PCDH15: variants seen among roughly 807,000 people sequenced by gnomAD.
PCDH15 encodes protocadherin related 15, also known as protocadherin-15.
A neutral mutation model predicts 178.5 loss-of-function variants in PCDH15; 129 were observed. The observed-to-expected ratio is 0.72, with a 90% CI of 0.63 to 0.84. The LOEUF (loss-of-function observed/expected upper bound fraction) is 0.84, where lower values mean the gene tolerates loss of function less well. Ranked by LOEUF, PCDH15 falls within the 40% of genes least tolerant of loss-of-function variation. The probability of loss-of-function intolerance (pLI) is 0.00; values close to 1 mark genes in which losing one functional copy is unlikely to be tolerated. For synonymous variants in PCDH15, 800 were observed against 732.0 expected, an observed-to-expected ratio of 1.09 and a Z score of -1.50; for missense variants, 2,230 against 2,099.9, an observed-to-expected ratio of 1.06 and a Z score of -1.21.
At chr10:54,200,170 G>T (rs917403267) in intron 10 of PCDH15, among the ~76,000 whole-genome samples, 6 of 150,804 alleles carry the variant, frequency 4.0e-5, no homozygotes, top group African/African-American at 1.5e-4. Context: ...AAAGACAATG[G>T]TAAAGCTTAT....
chr10:54,957,277 A>G (rs773925876), intron 2 of PCDH15, among the ~76,000 whole-genome samples: 6 of 151,626 alleles, frequency 4.0e-5, no homozygotes, highest in Non-Finnish European at 7.4e-5. Flanking sequence ...TCAGTAGTAA[A>G]GAAAGGAGGT....
At position 55,193,963 on chromosome 10, in the gene PCDH15, C is replaced by T. The variant is rs150151547; in HGVS notation, c.-155-27312G>A. On this transcript the variant is annotated intron_variant, in intron 1 of 5. Transcript: ENST00000458638. Reference sequence around the variant, plus strand: ...CTAAAACATAATTTACTGAATAATACTAATATTAGCTTATATTTGCTGCAT... The same window carrying T: ...CTAAAACATAATTTACTGAATAATATTAATATTAGCTTATATTTGCTGCAT... 6.4e-3 allele frequency among the ~76,000 whole-genome samples: 969 copies of T among 152,010 alleles called. 18 individuals are homozygous for T. Among genetic ancestry groups the T allele is most frequent in the African/African-American group, 0.022 (932 of 41,456 alleles).
intron 2 of PCDH15, chr10:54,575,367 T>C (rs993070865): frequency 1.3e-5 from 2 of 153,338 alleles, no homozygotes; most frequent in African/African-American, 4.8e-5. Flanking sequence ...ATAAACCAGA[T>C]AAAATCTCAT....
At chr10:55,521,078 C>A (rs1249615236) in intron 2 of PCDH15, among the ~76,000 whole-genome samples, 2 of 151,858 alleles carry the variant, frequency 1.3e-5, no homozygotes, top group African/African-American at 2.4e-5. Context: ...AAGTTTGGAA[C>A]CTCTGACTAA....
At position 55,325,517 on chromosome 10, in the gene PCDH15, C is replaced by T. The variant is rs141858336; in HGVS notation, c.-155-158866G>A. On this transcript the variant is annotated intron_variant, in intron 2 of 5. Coordinates refer to the PCDH15 transcript ENST00000613346. Reference sequence around the variant, plus strand: ...GCGCTAGGATAACTGGCTAACTATACGCAGAAGATCAAAACTGGACCCCTT... The same window carrying T: ...GCGCTAGGATAACTGGCTAACTATATGCAGAAGATCAAAACTGGACCCCTT... Among the ~76,000 whole-genome samples the T allele has an allele frequency of 5.9e-4, 89 of 152,106 alleles. 1 individual carries two copies. In the East Asian group the frequency reaches 0.012, roughly 21 times the overall value.
At chr10:54,824,440 T>C (rs1564541643) in intron 3 of PCDH15, among the ~76,000 whole-genome samples, 1 of 152,126 alleles carries the variant, frequency 6.6e-6, no homozygotes, top group Non-Finnish European at 1.5e-5. Context: ...CTTTTTCCCA[T>C]ATGCTACCTT....
chr10:55,370,761 C>A (rs1460235660), intron 2 of PCDH15, among the ~76,000 whole-genome samples: 1 of 152,096 alleles, frequency 6.6e-6, no homozygotes, highest in Non-Finnish European at 1.5e-5. Flanking sequence ...CTCTTTCTTC[C>A]GATTATCTTC....
chr10:55,159,375 A>C (rs866872274), intron 2 of PCDH15, among the ~76,000 whole-genome samples: 185 of 6,152 alleles, frequency 0.03, 1 homozygote, highest in Middle Eastern at 0.2. Flanking sequence ...CTATCTATAT[A>C]TATATATATA....
intron 1 of PCDH15, among the ~76,000 whole-genome samples, chr10:54,771,169 C>G (rs1169799432): frequency 1.3e-5 from 2 of 151,958 alleles, no homozygotes; most frequent in Non-Finnish European, 2.9e-5. Flanking sequence ...TCTATTTCTG[C>G]CAAAATACTG....
At chr10:54,748,431 C>T (rs1469310588) in intron 1 of PCDH15, among the ~76,000 whole-genome samples, 1 of 152,070 alleles carries the variant, frequency 6.6e-6, no homozygotes, top group African/African-American at 2.4e-5. Context: ...CAGGACCTTG[C>T]ATAGGATGTA....
chr10:53,905,689 C>T (rs556345635), intron 25 of PCDH15, among the ~76,000 whole-genome samples: 64 of 152,124 alleles, frequency 4.2e-4, no homozygotes, highest in African/African-American at 1.4e-3. Context: ...TATATGTATA[C>T]TTTGTGCATA....
chr10:55,085,935 GAATA>G (rs1014337655), intron 2 of PCDH15, among the ~76,000 whole-genome samples: 1 of 151,508 alleles, frequency 6.6e-6, no homozygotes, highest in African/African-American at 2.4e-5. Flanking sequence ...ATATGTATTT[GAATA>G]AATATTCTTA....
intron 3 of PCDH15, among the ~76,000 whole-genome samples, chr10:54,490,477 C>A (rs922914512): frequency 2.1e-4 from 32 of 151,314 alleles, no homozygotes; most frequent in African/African-American, 6.8e-4. Flanking sequence ...TAATAAATAA[C>A]TAATAAATAA....
intron 3 of PCDH15, among the ~76,000 whole-genome samples, chr10:54,475,596 T>G (rs1289460053): frequency 6.6e-6 from 1 of 152,114 alleles, no homozygotes; most frequent in Admixed American, 6.6e-5. Context: ...ATTATATTTT[T>G]TTCTGAAATA....
At chr10:53,851,317 G>T (rs1008863461) in intron 28 of PCDH15, among the ~76,000 whole-genome samples, 33 of 151,842 alleles carry the variant, frequency 2.2e-4, no homozygotes, top group African/African-American at 7.2e-4. Context: ...TATTAATATT[G>T]TTATTTTATA....
At chr10:55,623,051 T>C in intron 2 of PCDH15, among the ~76,000 whole-genome samples, 1 of 152,194 alleles carries the variant, frequency 6.6e-6, no homozygotes, top group Non-Finnish European at 1.5e-5. Context: ...TCAAACATGT[T>C]CTCGAACATG....
intron 8 of PCDH15, among the ~76,000 whole-genome samples, chr10:54,246,544 C>T (rs1298342567): frequency 6.6e-6 from 1 of 151,748 alleles, no homozygotes; most frequent in East Asian, 1.9e-4. Context: ...TACTATCATC[C>T]ATTAGATGAA....
intron 27 of PCDH15, among the ~76,000 whole-genome samples, chr10:53,862,622 T>C (rs1460577967): frequency 6.6e-6 from 1 of 152,190 alleles, no homozygotes; most frequent in Non-Finnish European, 1.5e-5. Flanking sequence ...CATTAGTTGG[T>C]TGTTTTCAAT....
chr10:55,581,147 T>C (rs894286272), intron 2 of PCDH15, among the ~76,000 whole-genome samples: 1 of 152,138 alleles, frequency 6.6e-6, no homozygotes, highest in Non-Finnish European at 1.5e-5. Context: ...TGGCCATATA[T>C]AGAGTCAGCA....
Sources: gnomAD v4.1 joint callset for allele counts (sites outside exome capture counted in the v4.1 genomes callset) on GRCh38, gnomAD v4.1.1 for gene constraint, MANE v1.5 for transcripts, NCBI Gene and HGNC (gene_info 2026-07-23, HGNC 2026-07-21) for gene names.